DOCK10: variants seen among roughly 807,000 people sequenced by gnomAD.
DOCK10 encodes the protein dedicator of cytokinesis protein 10.
A neutral mutation model predicts 280.1 loss-of-function variants in DOCK10; 145 were observed. The ratio of observed to expected loss-of-function variants is 0.52; its 90% CI spans 0.45 to 0.59. The LOEUF (loss-of-function observed/expected upper bound fraction) is 0.59. Among genes scored for constraint, DOCK10 ranks in the 20% least tolerant of loss-of-function variants. The pLI is 0.00. For synonymous variants in DOCK10, 915 were observed against 942.2 expected, an observed-to-expected ratio of 0.97 and a Z score of 0.53; for missense variants, 2,368 against 2,651.7, an observed-to-expected ratio of 0.89 and a Z score of 2.35.
At chr2:224,862,585 A>C in intron 14 of DOCK10, 79 bp downstream of exon 14, 1 of 1,189,886 alleles carries the variant, frequency 8.4e-7, no homozygotes, top group East Asian at 2.4e-5. Flanking sequence ...AATAGGCAAC[A>C]CAAAAACGTT....
At chr2:224,995,610 T>A (rs1706249950) in intron 1 of DOCK10, among the ~76,000 whole-genome samples, 1 of 152,158 alleles carries the variant, frequency 6.6e-6, no homozygotes, top group South Asian at 2.1e-4. Context: ...CACTCCCTCC[T>A]CACAAGACAG....
At chr2:224,801,371 T>C (rs1309064165) in intron 40 of DOCK10, among the ~76,000 whole-genome samples, 1 of 151,872 alleles carries the variant, frequency 6.6e-6, no homozygotes, top group Non-Finnish European at 1.5e-5. Flanking sequence ...CAGAGTCAGG[T>C]TGGAAAGTAA....
intron 50 of DOCK10, among the ~76,000 whole-genome samples, chr2:224,780,762 T>C (rs1370305296): frequency 2.0e-5 from 3 of 152,018 alleles, no homozygotes; most frequent in Non-Finnish European, 4.4e-5. Flanking sequence ...TAGCTGGGCA[T>C]GGTGACACAC....
At chr2:224,821,322 T>C (rs1694488793) in intron 28 of DOCK10, among the ~76,000 whole-genome samples, 1 of 152,188 alleles carries the variant, frequency 6.6e-6, no homozygotes, top group South Asian at 2.1e-4. Flanking sequence ...TTTGCTAATG[T>C]AGACTTCAAT....
chr2:224,822,382 T>C (rs930542498), intron 28 of DOCK10, among the ~76,000 whole-genome samples: 1 of 152,206 alleles, frequency 6.6e-6, no homozygotes, highest in African/African-American at 2.4e-5. Flanking sequence ...AAGTAGCTAC[T>C]CAATACTTTA....
At chr2:225,034,687 C>G (rs1339766487) in intron 1 of DOCK10, among the ~76,000 whole-genome samples, 1 of 152,160 alleles carries the variant, frequency 6.6e-6, no homozygotes, top group Non-Finnish European at 1.5e-5. Flanking sequence ...AGTAGTGAAA[C>G]AGACAAGTTC....
intron 3 of DOCK10, among the ~76,000 whole-genome samples, chr2:224,910,730 TTG>T (rs1700960911): frequency 6.6e-6 from 1 of 152,252 alleles, no homozygotes; most frequent in Admixed American, 6.5e-5. Flanking sequence ...GCTCAGCTCT[TTG>T]GTGACCTCTT....
At chr2:224,942,519 G>T (rs1703153320) in intron 1 of DOCK10, among the ~76,000 whole-genome samples, 1 of 152,114 alleles carries the variant, frequency 6.6e-6, no homozygotes, top group African/African-American at 2.4e-5. Context: ...CAGCTAACTG[G>T]CTCGTTTCAC....
intron 1 of DOCK10, among the ~76,000 whole-genome samples, chr2:224,975,750 C>A (rs529781697): frequency 2.6e-4 from 40 of 152,264 alleles, no homozygotes; most frequent in African/African-American, 9.4e-4. Flanking sequence ...ATAAATAATT[C>A]ATTTCCTTCA....
At chr2:224,862,891 G>C in intron 13 of DOCK10, 145 bp from the exon 14 acceptor site, 1 of 447,270 alleles carries the variant, frequency 2.2e-6, no homozygotes, top group Middle Eastern at 6.0e-4. Context: ...CTTATAAAGA[G>C]CCAAATGGTG....
intron 1 of DOCK10, among the ~76,000 whole-genome samples, chr2:225,034,876 TA>T: frequency 6.6e-6 from 1 of 152,056 alleles, no homozygotes; most frequent in East Asian, 1.9e-4. Flanking sequence ...GTAGGAGGAG[TA>T]ACATTCACCT....
chr2:225,032,925 T>C (rs572426935), intron 1 of DOCK10, among the ~76,000 whole-genome samples: 1 of 152,344 alleles, frequency 6.6e-6, no homozygotes, highest in South Asian at 2.1e-4. Context: ...GTCATTTAAA[T>C]TGGTAATTAC....
intron 7 of DOCK10, among the ~76,000 whole-genome samples, chr2:224,882,687 C>G (rs1370534836): frequency 6.6e-6 from 1 of 152,184 alleles, no homozygotes; most frequent in Non-Finnish European, 1.5e-5. Context: ...CGTTGTTCCT[C>G]TTTTTTGTTT....
chr2:224,997,913 G>A (rs1008326009), intron 1 of DOCK10, among the ~76,000 whole-genome samples: 3 of 152,138 alleles, frequency 2.0e-5, no homozygotes, highest in Admixed American at 6.5e-5. Flanking sequence ...AAAGAGCCCA[G>A]GGGGCTACCA....
rs776382924 is a variant in DOCK10 at position 224,849,493 on chromosome 2, G to A, written c.2235+14C>T. Reference sequence around the variant, plus strand: ...CTTAGGAACCGCTGGGGGCAGTGGAGGGCTAGCTCTTACCTCATCTGAGAA... The same window carrying A: ...CTTAGGAACCGCTGGGGGCAGTGGAAGGCTAGCTCTTACCTCATCTGAGAA... On this transcript the variant is annotated intron_variant, in intron 19 of 55. Coordinates refer to ENST00000258390, the MANE Select transcript of DOCK10 (RefSeq NM_014689.3). 61 of 1,593,116 alleles carry A rather than the reference G, an allele frequency of 3.8e-5. No individual in the cohort carries two copies. Among genetic ancestry groups the A allele is most frequent in the Admixed American group, 6.8e-5 (4 of 58,590 alleles).
At chr2:225,003,476 C>T (rs774678165) in intron 1 of DOCK10, among the ~76,000 whole-genome samples, 7 of 152,098 alleles carry the variant, frequency 4.6e-5, no homozygotes, top group Non-Finnish European at 7.4e-5. Context: ...TCCTTAGAAC[C>T]GTGGCTGATG....
intron 31 of DOCK10, among the ~76,000 whole-genome samples, chr2:224,812,069 C>G (rs985410856): frequency 1.3e-5 from 2 of 152,070 alleles, no homozygotes; most frequent in Non-Finnish European, 2.9e-5. Context: ...CTATAAATTA[C>G]CTTGGGCAGT....
rs577463937 is a variant in DOCK10, at chr2:225,041,904, G to A, written c.123+348C>T. Among the ~76,000 whole-genome samples the A allele has an allele frequency of 3.3e-5, 5 of 152,264 alleles. No homozygotes were observed. In the East Asian group the frequency reaches 5.8e-4, roughly 18 times the overall value. On this transcript the variant is annotated intron_variant, in intron 1 of 55. Transcript: ENST00000258390. ...TCCCCCCACCCCACCCGGGGTCTCT[G>A]GCACTCGTATCACTTAGCACCAGTG... is the stretch of plus-strand genomic sequence containing the variant.
At chr2:224,827,282 A>G (rs1057197515) in intron 27 of DOCK10, among the ~76,000 whole-genome samples, 1 of 151,416 alleles carries the variant, frequency 6.6e-6, no homozygotes, top group Non-Finnish European at 1.5e-5. Context: ...AAAAAAAAGT[A>G]AAGAAAAAAG....
Sources: allele counts gnomAD v4.1 joint callset (sites outside exome capture counted in the v4.1 genomes callset), GRCh38; gene constraint gnomAD v4.1.1; transcripts MANE v1.5; gene names NCBI Gene and HGNC (gene_info 2026-07-23, HGNC 2026-07-21).